The following GIPR variants were observed in gnomAD, a reference collection of about 807,000 sequenced individuals.
The protein encoded by GIPR is GIP-R.
In GIPR, 74 loss-of-function variants were observed where a neutral mutation model predicts 62.2. The ratio of observed to expected loss-of-function variants is 1.19; its 90% CI spans 0.99 to 1.44. The LOEUF is 1.44. Ranked by LOEUF, GIPR falls within the 40% of genes most tolerant of loss-of-function variation. The probability of loss-of-function intolerance (pLI) is 0.00; values close to 1 mark genes in which losing one functional copy is unlikely to be tolerated. For missense variants in GIPR, 664 were observed against 611.8 expected, an observed-to-expected ratio of 1.09 and a Z score of -0.90; for synonymous variants, 256 against 262.2, an observed-to-expected ratio of 0.98 and a Z score of 0.23.
chr19:45,679,213 C>T (rs1490381472), intron 12 of GIPR, among the ~76,000 whole-genome samples: 2 of 152,142 alleles, frequency 1.3e-5, no homozygotes, highest in African/African-American at 4.8e-5. Context: ...GGCGCAGTGG[C>T]TCACACCTGT....
chr19:45,670,663 A>G lies in GIPR; in HGVS notation c.101A>G (p.Glu34Gly), dbSNP rs1031532803. ...ETGSKGQTAG[E>G]LYQRWERYRR... ...GGCTCTAAGGGGCAGACGGCGGGGG[A>G]GCTGTACCAGCGCTGGGAACGGTAC... is the stretch of plus-strand genomic sequence containing the variant. Residue 34 changes from glutamate to glycine, a missense_variant, in exon 3 of 14, where the codon GAG becomes GGG. By Grantham distance (98) the Glu-to-Gly change is moderately conservative (BLOSUM62 -2). Transcript: ENST00000590918. The G allele has an allele frequency of 8.1e-6, 13 of 1,612,400 alleles. No homozygotes were observed. The highest frequency in any genetic ancestry group is 1.1e-5 in the Non-Finnish European group (13 of 1,179,458).
intron 7 of GIPR, among the ~76,000 whole-genome samples, chr19:45,675,785 G>A (rs2238691): frequency 0.17 from 26,423 of 152,072 alleles, 2,476 homozygotes; most frequent in Non-Finnish European, 0.21. Context: ...CTACTTGGGA[G>A]GCTGAGATGG....
chr19:45,672,911 A>C lies in GIPR; in HGVS notation c.341A>C (p.Asp114Ala), dbSNP rs1369803107. 1 of 1,613,102 alleles carries C rather than the reference A, an allele frequency of 6.2e-7. No individual in the cohort carries two copies. Reference sequence around the variant, plus strand: ...GATGGCCAATGGGGACTTTGGAGAGACCATACACAATGTGAGAACCCAGAG... The same window carrying C: ...GATGGCCAATGGGGACTTTGGAGAGCCCATACACAATGTGAGAACCCAGAG... ...GSDGQWGLWRDHTQCENPEKN... is the reference protein window; with the variant it reads ...GSDGQWGLWRAHTQCENPEKN... The change falls in exon 5 of 14, where the codon GAC becomes GCC. Residue 114 changes from aspartate (D) to alanine (A), a missense_variant. Transcript: ENST00000590918.
Position 45,676,975 on chromosome 19 carries a change from G to C in GIPR, c.660G>C (p.Gln220His), listed in dbSNP as rs760322437. ...NQALAACRTA[Q>H]IVTQYCVGAN... The stretch of plus-strand genomic sequence containing the variant: ...CCCTCGCTGCCTGCCGCACGGCCCA[G>C]ATCGTGACCCAGTACTGCGTGGGTG... The change falls in exon 8 of 14, where the codon CAG becomes CAC. Residue 220 changes from glutamine to histidine, a missense_variant. Coordinates refer to ENST00000590918, the MANE Select transcript of GIPR (RefSeq NM_000164.4). 22 of 1,614,134 alleles carry C rather than the reference G, an allele frequency of 1.4e-5. No individual in the cohort carries two copies. Among genetic ancestry groups the C allele is most frequent in the Non-Finnish European group, 1.8e-5 (21 of 1,180,026 alleles).
intron 12 of GIPR, among the ~76,000 whole-genome samples, chr19:45,680,218 G>A (rs10404234): frequency 1.3e-5 from 2 of 152,038 alleles, no homozygotes; most frequent in African/African-American, 4.8e-5. Context: ...AAAAATTAGC[G>A]AGGCTAGGTG....
chr19:45,671,997 G>T (rs191585958), intron 4 of GIPR, among the ~76,000 whole-genome samples: 4 of 129,902 alleles, frequency 3.1e-5, no homozygotes, highest in Admixed American at 3.0e-4. Context: ...TAGCTATGTC[G>T]CCTCAGACAC....
At chr19:45,669,392 C>G in intron 1 of GIPR, 85 bp from the exon 2 acceptor site, 1 of 1,337,720 alleles carries the variant, frequency 7.5e-7, no homozygotes, top group South Asian at 1.3e-5. Context: ...AGCCGTCTGC[C>G]CCTGTGTGTG....
Position 45,670,031 on chromosome 19 carries a change from GGTTT to G in GIPR, c.72+452_72+455del, listed in dbSNP as rs373283239. Among the ~76,000 whole-genome samples the G allele has an allele frequency of 1.4e-3, 214 of 151,694 alleles. 1 individual carries two copies. The highest frequency in any genetic ancestry group is 3.4e-3 in the Middle Eastern group (1 of 292). On this transcript the variant is annotated intron_variant, in intron 2 of 13. Coordinates refer to ENST00000590918, the MANE Select transcript of GIPR (RefSeq NM_000164.4). Reference sequence around the variant, plus strand: ...GCCCAGATTCAAGTTGTTGGGTGGTGGTTTGTTTGTTTGTTTCGAGACGGAGTCT... The same window carrying G: ...GCCCAGATTCAAGTTGTTGGGTGGTGGTTTGTTTGTTTCGAGACGGAGTCT...
In GIPR at chr19:45,677,308, T is replaced by C; in HGVS notation, c.794-15T>C. 1.4e-6 allele frequency: 2 copies of C among 1,393,554 alleles called. No individual in the cohort carries two copies. The highest frequency in any genetic ancestry group is 2.0e-6 in the Non-Finnish European group (2 of 1,010,434). The allele number at this position is 1,393,554 out of a possible 1,614,324, so 86.3% of individuals were successfully genotyped here. ...GCTGCGGCGGGGTGGGGGGGCGGGG[T>C]CGGGGTCTGCACAGGGGCCCCCGCG... is the stretch of plus-strand genomic sequence containing the variant. On this transcript the variant is annotated splice_polypyrimidine_tract_variant and intron_variant, in intron 8 of 13. Transcript: ENST00000590918.
At chr19:45,674,933 A>T in intron 7 of GIPR, 107 bp downstream of exon 7, 4 of 1,065,180 alleles carry the variant, frequency 3.8e-6, no homozygotes, top group Non-Finnish European at 4.2e-6. Context: ...AGTTTATCTG[A>T]GTTGGGAGGG....
chr19:45,681,483 A>G, intron 12 of GIPR, 121 bp from the exon 13 acceptor site: 1 of 886,556 alleles, frequency 1.1e-6, no homozygotes, highest in Non-Finnish European at 1.9e-6. Flanking sequence ...CAACAAGAGC[A>G]ATATTCCGAC....
At chr19:45,679,257 A>G (rs1967107500) in intron 12 of GIPR, among the ~76,000 whole-genome samples, 1 of 152,122 alleles carries the variant, frequency 6.6e-6, no homozygotes, top group African/African-American at 2.4e-5. Flanking sequence ...AGGCAGGCGG[A>G]TCACCTGAGG....
chr19:45,677,408 GCGTGGGAGGT>G, intron 9 of GIPR, 25 bp downstream of exon 9: 1 of 1,463,150 alleles, frequency 6.8e-7, no homozygotes, highest in Non-Finnish European at 9.6e-7. Flanking sequence ...CTGGGGCGGG[GCGTGGGAGGT>G]GGGCGGGGCT....
Position 45,674,741 on chromosome 19 carries a change from G to C in GIPR, c.548G>C (p.Arg183Pro), listed in dbSNP as rs199583937. 6 of 1,613,800 alleles carry C rather than the reference G, an allele frequency of 3.7e-6. No homozygotes were observed. The highest frequency in any genetic ancestry group is 1.3e-5 in the African/African-American group (1 of 74,860). ...AACCTGTTCACGTCTTTCATGCTGCGAGCTGCGGCCATTCTCAGCCGAGAC... is the reference window on the plus strand; with the variant it reads ...AACCTGTTCACGTCTTTCATGCTGCCAGCTGCGGCCATTCTCAGCCGAGAC... Reference protein sequence around the residue: ...HINLFTSFMLRAAAILSRDRL... With the variant: ...HINLFTSFMLPAAAILSRDRL... Residue 183 changes from arginine (R) to proline (P), a missense_variant, in exon 7 of 14, where the codon CGA (arginine) becomes CCA (proline). By Grantham distance (103) the Arg-to-Pro change is moderately radical. Coordinates refer to ENST00000590918, the MANE Select transcript of GIPR (RefSeq NM_000164.4).
Position 45,681,811 on chromosome 19 carries a change from G to T in GIPR, c.1277G>T (p.Arg426Leu), listed in dbSNP as rs1425254785. 4.5e-6 allele frequency: 7 copies of T among 1,566,962 alleles called. No homozygotes were observed. The highest frequency in any genetic ancestry group is 1.4e-5 in the African/African-American group (1 of 73,902). Reference protein sequence around the residue: ...LGEEQRQLPERAFRALPSGSG... With the variant: ...LGEEQRQLPELAFRALPSGSG... ...GAGGAGCAACGCCAGCTCCCGGAGC[G>T]CGCCTTCCGGGCCCTGCCCTCCGGC... Residue 426 changes from arginine (R) to leucine (L), a missense_variant, in exon 14 of 14, where the codon CGC (arginine) becomes CTC (leucine). Transcript: ENST00000590918.
chr19:45,670,115 C>T (rs534130320), intron 2 of GIPR: 3 of 156,576 alleles, frequency 1.9e-5, no homozygotes, highest in Admixed American at 6.4e-5. Flanking sequence ...ACTACAACCT[C>T]CGTCTCCCGG....
chr19:45,673,000 G>C (rs372103377), intron 5 of GIPR, 46 bp downstream of exon 5: 20 of 1,124,254 alleles, frequency 1.8e-5, no homozygotes, highest in Non-Finnish European at 2.7e-5. Context: ...GGGAGAGATG[G>C]AAAGGCAGTA....
chr19:45,677,225 C>G, intron 8 of GIPR, 98 bp from the exon 9 acceptor site: 1 of 1,383,130 alleles, frequency 7.2e-7, no homozygotes, highest in Non-Finnish European at 1.0e-6. Flanking sequence ...GCCTTCCCCA[C>G]CCCGACAGAG....
chr19:45,677,745 G>A lies in GIPR; in HGVS notation c.890G>A (p.Trp297Ter), dbSNP rs747395645. 5 of 1,613,518 alleles carry A rather than the reference G, an allele frequency of 3.1e-6. No homozygotes were observed. Among genetic ancestry groups the A allele is most frequent in the Non-Finnish European group, 3.4e-6 (4 of 1,179,626 alleles). ...WERNEVKAIW[W>*]IIRTPILMTI... ...CGCAACGAAGTCAAGGCCATTTGGT[G>A]GATTATACGGACCCCCATCCTCATG... is the stretch of plus-strand genomic sequence containing the variant. Residue 297 changes from tryptophan to a stop codon, truncating the protein, a stop_gained, in exon 10 of 14, where the codon TGG becomes TAG. Coordinates refer to ENST00000590918, the MANE Select transcript of GIPR (RefSeq NM_000164.4). LOFTEE classifies it high-confidence loss of function.
Sources: allele counts gnomAD v4.1 joint callset (sites outside exome capture counted in the v4.1 genomes callset), GRCh38; gene constraint gnomAD v4.1.1; transcripts MANE v1.5; gene names NCBI Gene and HGNC (gene_info 2026-07-23, HGNC 2026-07-21).